The following CDH22 variants were observed in gnomAD, a reference collection of about 807,000 sequenced individuals.
CDH22 encodes cadherin 22, also known as cadherin-22.
CDH22 carries 30 observed loss-of-function variants against 58.4 expected under a neutral mutation model. The observed-to-expected ratio is 0.51, with a 90% CI of 0.38 to 0.70. The LOEUF (loss-of-function observed/expected upper bound fraction) is 0.70, where lower values mean the gene tolerates loss of function less well. Ranked by LOEUF, CDH22 falls within the 30% of genes least tolerant of loss-of-function variation. CDH22 has a pLI of 0.00. For missense variants in CDH22, 1,014 were observed against 1,233.9 expected (o/e 0.82, Z 2.67); for synonymous variants, 513 against 558.2 (o/e 0.92, Z 1.14).
At chr20:46,199,915 C>A (rs1244774589) in intron 7 of CDH22, among the ~76,000 whole-genome samples, 1 of 147,794 alleles carries the variant, frequency 6.8e-6, no homozygotes, top group African/African-American at 2.5e-5. Context: ...TTTCTTCTTT[C>A]TTTCTTTCTC....
chr20:46,291,972 T>C (rs1474640366), intron 1 of CDH22, among the ~76,000 whole-genome samples: 1 of 152,204 alleles, frequency 6.6e-6, no homozygotes, highest in Non-Finnish European at 1.5e-5. Context: ...AAAATTGTCC[T>C]CTAGACAATG....
intron 5 of CDH22, among the ~76,000 whole-genome samples, chr20:46,215,283 T>C (rs2086076252): frequency 6.6e-6 from 1 of 152,140 alleles, no homozygotes; most frequent in African/African-American, 2.4e-5. Context: ...ACCCCCAGAA[T>C]AGATAATTAT....
chr20:46,304,204 G>A (rs2086664799), intron 1 of CDH22, among the ~76,000 whole-genome samples: 1 of 152,142 alleles, frequency 6.6e-6, no homozygotes, highest in Non-Finnish European at 1.5e-5. Context: ...CTGCAGGGGT[G>A]CAGGCAGCTG....
chr20:46,222,030 G>A (rs1410195653), intron 4 of CDH22, among the ~76,000 whole-genome samples: 2 of 152,140 alleles, frequency 1.3e-5, no homozygotes, highest in Non-Finnish European at 2.9e-5. Context: ...CCATTTACAT[G>A]CTAGCTGACC....
intron 1 of CDH22, among the ~76,000 whole-genome samples, chr20:46,295,865 C>T (rs1173519369): frequency 2.0e-5 from 3 of 152,236 alleles, no homozygotes; most frequent in Non-Finnish European, 2.9e-5. Context: ...AGGGCTCAAG[C>T]GATCCTCCTA....
chr20:46,236,649 A>ATATC (rs3082934), intron 3 of CDH22, among the ~76,000 whole-genome samples: 61,545 of 135,662 alleles, frequency 0.45, 15,399 homozygotes, highest in Middle Eastern at 0.62. Flanking sequence ...TTATATATTA[A>ATATC]TATCTATCTA....
At chr20:46,204,623 G>A (rs972464055) in intron 7 of CDH22, among the ~76,000 whole-genome samples, 15 of 152,078 alleles carry the variant, frequency 9.9e-5, no homozygotes, top group South Asian at 2.1e-4. Context: ...ACTGAGGCTC[G>A]GAGAAGCCAG....
chr20:46,280,611 G>A (rs2086546521), intron 1 of CDH22, among the ~76,000 whole-genome samples: 2 of 152,170 alleles, frequency 1.3e-5, no homozygotes, highest in Non-Finnish European at 2.9e-5. Flanking sequence ...CTTCTCTCTT[G>A]AGACCCTCAC....
chr20:46,261,693 C>A (rs2086433956), intron 1 of CDH22, among the ~76,000 whole-genome samples: 1 of 152,184 alleles, frequency 6.6e-6, no homozygotes, highest in African/African-American at 2.4e-5. Flanking sequence ...ACTGTGCCTG[C>A]TGGATCCTGA....
Position 46,186,809 on chromosome 20 carries a change from C to T in CDH22, c.1545+17G>A, listed in dbSNP as rs1416383392. On this transcript the variant is annotated intron_variant, in intron 9 of 11. Transcript: ENST00000537909. ...AGTCCTGGAAGCAACGCCCAGTCCC[C>T]ACCCCCTCAGGGGTACCTGGCCTGG... is the stretch of plus-strand genomic sequence containing the variant. The T allele has an allele frequency of 1.9e-6, 3 of 1,597,512 alleles. No individual in the cohort carries two copies. Among genetic ancestry groups the T allele is most frequent in the Non-Finnish European group, 2.6e-6 (3 of 1,170,688 alleles).
chr20:46,174,735 C>T lies in CDH22; in HGVS notation c.2258G>A (p.Arg753His). The T allele has an allele frequency of 1.3e-6, 2 of 1,553,628 alleles. No homozygotes were observed. The highest frequency in any genetic ancestry group is 8.6e-7 in the Non-Finnish European group (1 of 1,157,162). ...DFSVFRDFIS[R>H]KVALADGDLS... ...GTCCCCGTCCGCCAGTGCCACCTTG[C>T]GGCTGATGAAGTCCCTGAACACTGA... is the stretch of plus-strand genomic sequence containing the variant. The change falls in exon 12 of 12, where the codon CGC (arginine) becomes CAC (histidine). Residue 753 changes from arginine to histidine, a missense_variant. By Grantham distance (29) the Arg-to-His change is conservative (BLOSUM62 0). Transcript: ENST00000537909. This position sits in a 1 kb window ranked among gnomAD's most constrained non-coding sequence, Gnocchi z 4.4.
At chr20:46,236,488 T>C (rs1226930933) in intron 3 of CDH22, among the ~76,000 whole-genome samples, 1 of 142,248 alleles carries the variant, frequency 7.0e-6, no homozygotes, top group Non-Finnish European at 1.5e-5. Flanking sequence ...TATATATCTA[T>C]ATAAATATAT....
chr20:46,227,464 G>C, intron 4 of CDH22, 44 bp downstream of exon 4: 11 of 1,351,090 alleles, frequency 8.1e-6, no homozygotes, highest in Admixed American at 2.0e-5. Context: ...CCCGCCCCTG[G>C]CCCCGCCCCA....
intron 11 of CDH22, 143 bp downstream of exon 11, chr20:46,177,803 T>G: frequency 9.4e-7 from 1 of 1,058,372 alleles, no homozygotes; most frequent in Non-Finnish European, 1.4e-6. Flanking sequence ...GGGGGCTGCT[T>G]GTTAGAGCTT....
chr20:46,189,394 C>T (rs879780456), intron 8 of CDH22, among the ~76,000 whole-genome samples: 3 of 152,082 alleles, frequency 2.0e-5, no homozygotes, highest in Admixed American at 6.5e-5. Flanking sequence ...CAGGAACAGG[C>T]GCCTCTTTCC....
intron 10 of CDH22, 99 bp downstream of exon 10, chr20:46,186,489 T>C (rs1217197234): frequency 4.8e-6 from 4 of 833,656 alleles, no homozygotes; most frequent in African/African-American, 1.7e-5. Context: ...AGATCCAACA[T>C]AGGCCCTGTG....
intron 1 of CDH22, among the ~76,000 whole-genome samples, chr20:46,304,180 AC>A (rs1321259317): frequency 6.6e-6 from 1 of 152,170 alleles, no homozygotes; most frequent in African/African-American, 2.4e-5. Flanking sequence ...GGTGGTCCTA[AC>A]TCAATTCCCC....
intron 1 of CDH22, among the ~76,000 whole-genome samples, chr20:46,297,551 A>T (rs2086634141): frequency 6.6e-6 from 1 of 151,674 alleles, no homozygotes; most frequent in Non-Finnish European, 1.5e-5. Flanking sequence ...TGGGGACTCC[A>T]AGAAGAGACG....
At position 46,300,126 on chromosome 20, in the gene CDH22, G is replaced by A. The variant is rs528881122; in HGVS notation, c.-400+8129C>T. Among the ~76,000 whole-genome samples the A allele has an allele frequency of 2.6e-5, 4 of 152,216 alleles. No individual in the cohort carries two copies. Among genetic ancestry groups the A allele is most frequent in the East Asian group, 1.9e-4 (1 of 5,178 alleles). ...CCTTCTGTATCAAGGACTTGGACTC[G>A]TCAGTCCCTAAAGGCCCTTTCAACT... On this transcript the variant is annotated intron_variant, in intron 1 of 11. Coordinates refer to ENST00000537909, the MANE Select transcript of CDH22 (RefSeq NM_021248.3). This position sits in a 1 kb window ranked among gnomAD's most constrained non-coding sequence, Gnocchi z 4.4.
Sources: gnomAD v4.1 joint callset for allele counts (sites outside exome capture counted in the v4.1 genomes callset) on GRCh38, gnomAD v4.1.1 for gene constraint, Gnocchi (gnomAD v3.1) non-coding constraint, MANE v1.5 for transcripts, NCBI Gene and HGNC (gene_info 2026-07-23, HGNC 2026-07-21) for gene names.